Variants in RANBP2 observed in about 807,000 individuals in gnomAD.
RANBP2 encodes RAN binding protein 2, also known as E3 SUMO-protein ligase RanBP2.
In RANBP2, 57 loss-of-function variants were observed where a neutral mutation model predicts 303.6. The ratio of observed to expected loss-of-function variants is 0.19; its 90% confidence interval spans 0.15 to 0.23. RANBP2 has a LOEUF of 0.23. RANBP2 is among the 10% of genes least tolerant of loss of function. The pLI, the probability that RANBP2 is intolerant of heterozygous loss-of-function variation, is 1.00. For missense variants in RANBP2, 3,138 were observed against 3,780.8 expected, an observed-to-expected ratio of 0.83 and a Z score of 4.46; for synonymous variants, 1,167 against 1,301.5, an observed-to-expected ratio of 0.90 and a Z score of 2.23.
At chr2:109,315,631 G>C in the RANBP2 span, among the ~76,000 whole-genome samples, 1 of 152,268 alleles carries the variant, frequency 6.6e-6, no homozygotes, top group African/African-American at 2.4e-5. Flanking sequence ...TGTGTGTCCA[G>C]AGAAGAGACG....
At chr2:108,749,479 G>T (rs1214353662) in intron 9 of RANBP2, among the ~76,000 whole-genome samples, 1 of 152,034 alleles carries the variant, frequency 6.6e-6, no homozygotes, top group Non-Finnish European at 1.5e-5. Flanking sequence ...TGTATTTTTA[G>T]TAGAGACGGG....
At chr2:108,920,292 A>G in the RANBP2 span, among the ~76,000 whole-genome samples, 7 of 152,212 alleles carry the variant, frequency 4.6e-5, no homozygotes, top group Non-Finnish European at 8.8e-5. Context: ...TTTGCAGATG[A>G]GGACACTTTC....
the RANBP2 span, among the ~76,000 whole-genome samples, chr2:109,249,494 TTTCTTTCTTTCTTTCA>T: frequency 1.3e-3 from 31 of 24,426 alleles, no homozygotes; most frequent in South Asian, 2.9e-3. Flanking sequence ...TCTTTCTTTC[TTTCTTTCTTTCTTTCA>T]TTCTTTCTTT....
At chr2:109,275,451 G>A in the RANBP2 span, among the ~76,000 whole-genome samples, 1 of 152,232 alleles carries the variant, frequency 6.6e-6, no homozygotes, top group Non-Finnish European at 1.5e-5. Context: ...GAAGTCTGCT[G>A]TAGGCCAAGG....
the RANBP2 span, among the ~76,000 whole-genome samples, chr2:109,368,540 C>T: frequency 6.6e-6 from 1 of 151,698 alleles, no homozygotes; most frequent in African/African-American, 2.4e-5. Flanking sequence ...AAATTGGCAA[C>T]CTTCCTCAAA....
At chr2:109,239,404 A>G in the RANBP2 span, among the ~76,000 whole-genome samples, 1 of 152,336 alleles carries the variant, frequency 6.6e-6, no homozygotes, top group South Asian at 2.1e-4. Context: ...CTGAATAAGA[A>G]TAAGGATACA....
At chr2:109,437,147 G>C in the RANBP2 span, 1 of 1,607,314 alleles carries the variant, frequency 6.2e-7, no homozygotes, top group Non-Finnish European at 8.5e-7. Context: ...ATTTCAACAG[G>C]TACCTTCACA....
chr2:109,355,766 A>C, the RANBP2 span, among the ~76,000 whole-genome samples: 1 of 152,214 alleles, frequency 6.6e-6, no homozygotes, highest in South Asian at 2.1e-4. Flanking sequence ...TGCCATGCGG[A>C]TCAGTCTTGC....
the RANBP2 span, among the ~76,000 whole-genome samples, chr2:109,231,444 C>A: frequency 6.6e-6 from 1 of 152,220 alleles, no homozygotes; most frequent in Admixed American, 6.5e-5. Context: ...TTTTCTCGTG[C>A]AGACCAAGTC....
chr2:109,549,858 CTT>C, the RANBP2 span, among the ~76,000 whole-genome samples: 1 of 152,092 alleles, frequency 6.6e-6, no homozygotes, highest in East Asian at 1.9e-4. Context: ...AATGTGGTCT[CTT>C]TCTCTCTCAA....
the RANBP2 span, among the ~76,000 whole-genome samples, chr2:108,916,774 A>G: frequency 1.3e-5 from 2 of 152,304 alleles, no homozygotes; most frequent in South Asian, 4.1e-4. Context: ...CTCTCGTGTC[A>G]GGACTGAAGC....
the RANBP2 span, among the ~76,000 whole-genome samples, chr2:109,055,261 A>G: frequency 2.6e-5 from 4 of 152,074 alleles, no homozygotes; most frequent in African/African-American, 9.7e-5. Context: ...TTTTACTATT[A>G]TTAAAATGAA....
chr2:109,556,823 T>C, the RANBP2 span, among the ~76,000 whole-genome samples: 1 of 152,180 alleles, frequency 6.6e-6, no homozygotes, highest in African/African-American at 2.4e-5. Flanking sequence ...ATATACACTG[T>C]GGAATGCTAT....
chr2:108,979,477 A>T, the RANBP2 span, among the ~76,000 whole-genome samples: 170 of 150,888 alleles, frequency 1.1e-3, no homozygotes, highest in African/African-American at 3.1e-3. Context: ...TCACACACAC[A>T]CACACACACA....
the RANBP2 span, among the ~76,000 whole-genome samples, chr2:109,657,819 A>G: frequency 6.8e-6 from 1 of 146,900 alleles, no homozygotes; most frequent in Non-Finnish European, 1.5e-5. Flanking sequence ...TCCTGGGCTC[A>G]AGTGATTCTC....
At chr2:109,555,857 G>C in the RANBP2 span, among the ~76,000 whole-genome samples, 189 of 152,244 alleles carry the variant, frequency 1.2e-3, 2 homozygotes, top group Non-Finnish European at 1.6e-4. Context: ...ACAGTTTCTT[G>C]TAAGTTTTCA....
chr2:108,853,900 T>TTATATAGTA, the RANBP2 span, among the ~76,000 whole-genome samples: 1 of 119,074 alleles, frequency 8.4e-6, no homozygotes, highest in African/African-American at 3.7e-5. Context: ...AGTATATATA[T>TTATATAGTA]TATATATTAT....
chr2:109,186,476 C>T, the RANBP2 span, among the ~76,000 whole-genome samples: 5 of 152,214 alleles, frequency 3.3e-5, no homozygotes, highest in Non-Finnish European at 7.3e-5. Context: ...CGTGGGAGTT[C>T]AAGGTGTGTG....
chr2:109,156,204 G>A, the RANBP2 span, among the ~76,000 whole-genome samples: 65 of 152,310 alleles, frequency 4.3e-4, 1 homozygote, highest in South Asian at 7.1e-3. Context: ...ATTAGCACTC[G>A]GTGTTGAGTT....
Sources: allele counts gnomAD v4.1 joint callset (sites outside exome capture counted in the v4.1 genomes callset), GRCh38; gene constraint gnomAD v4.1.1; transcripts MANE v1.5; gene names NCBI Gene and HGNC (gene_info 2026-07-23, HGNC 2026-07-21).